The following CCNY variants were observed in gnomAD, a reference collection of about 807,000 sequenced individuals.
CCNY encodes the protein cyclin-Y.
In CCNY, 19 loss-of-function variants were observed where a neutral mutation model predicts 42.8. The ratio of observed to expected loss-of-function variants is 0.44; its 90% confidence interval spans 0.31 to 0.65. The LOEUF is 0.65. CCNY is among the 30% of genes least tolerant of loss of function. The probability of loss-of-function intolerance (pLI) is 0.07; values close to 1 mark genes in which losing one functional copy is unlikely to be tolerated. For synonymous variants in CCNY, 165 were observed against 162.7 expected (o/e 1.01, Z -0.11); for missense variants, 370 against 437.3 (o/e 0.85, Z 1.37).
intron 1 of CCNY, among the ~76,000 whole-genome samples, chr10:35,396,015 C>T (rs1837517109): frequency 6.6e-6 from 1 of 152,004 alleles, no homozygotes; most frequent in South Asian, 2.1e-4. Flanking sequence ...CTGTGTTATG[C>T]TGTGGTGGCT....
intron 1 of CCNY, among the ~76,000 whole-genome samples, chr10:35,362,579 T>A (rs112327715): frequency 0.011 from 1,553 of 138,032 alleles, 24 homozygotes; most frequent in African/African-American, 0.042. Flanking sequence ...AGGGTACCAG[T>A]TTTTTTTTTT....
intron 3 of CCNY, among the ~76,000 whole-genome samples, chr10:35,254,480 T>C (rs1431308101): frequency 6.6e-6 from 1 of 152,214 alleles, no homozygotes; most frequent in Non-Finnish European, 1.5e-5. Flanking sequence ...CTGGTAATGC[T>C]GACCTATTAC....
At chr10:35,556,998 T>C (rs1201949071) in intron 8 of CCNY, among the ~76,000 whole-genome samples, 1 of 152,048 alleles carries the variant, frequency 6.6e-6, no homozygotes, top group African/African-American at 2.4e-5. Flanking sequence ...GCGCCCGCCA[T>C]TAGTCCTGAC....
intron 1 of CCNY, among the ~76,000 whole-genome samples, chr10:35,479,994 CTT>C (rs79345630): frequency 2.7e-5 from 4 of 146,120 alleles, no homozygotes; most frequent in Admixed American, 6.8e-5. Context: ...GGCTTTTCCC[CTT>C]TTTTTTTTTG....
At chr10:35,286,402 A>G (rs1835354906) in intron 3 of CCNY, among the ~76,000 whole-genome samples, 1 of 149,464 alleles carries the variant, frequency 6.7e-6, no homozygotes, top group South Asian at 2.1e-4. Context: ...TCTGTCGCCC[A>G]GGCTGGAGTC....
At position 35,253,882 on chromosome 10, in the gene CCNY, T is replaced by G. The variant is rs928434741; in HGVS notation, c.-9+3256T>G. 4.3e-4 allele frequency among the ~76,000 whole-genome samples: 65 copies of G among 150,848 alleles called. 2 individuals are homozygous for G. The highest frequency in any genetic ancestry group is 3.0e-5 in the Non-Finnish European group (2 of 67,524). On this transcript the variant is annotated intron_variant, in intron 3 of 11. Coordinates refer to the CCNY transcript ENST00000374706. ...CAACTGTTTGAGCAACTGTTTTTTT[T>G]TTTTTTTTTTTGAGACGGAGTCTCA...
intron 3 of CCNY, among the ~76,000 whole-genome samples, chr10:35,284,800 T>C (rs1437324544): frequency 6.6e-6 from 1 of 152,130 alleles, no homozygotes; most frequent in African/African-American, 2.4e-5. Flanking sequence ...CCACAAATTT[T>C]GATATGTTCT....
chr10:35,277,390 C>T (rs866197635), intron 3 of CCNY, among the ~76,000 whole-genome samples: 2 of 152,198 alleles, frequency 1.3e-5, no homozygotes, highest in South Asian at 2.1e-4. Context: ...CTCAGGGTCA[C>T]ACTCCTTTCC....
intron 3 of CCNY, among the ~76,000 whole-genome samples, chr10:35,285,128 G>C (rs1487897013): frequency 2.6e-5 from 4 of 152,050 alleles, no homozygotes; most frequent in Non-Finnish European, 5.9e-5. Context: ...CAATACTCCT[G>C]CCTCAGCCTT....
At chr10:35,506,523 A>T (rs1840218029) in intron 3 of CCNY, among the ~76,000 whole-genome samples, 1 of 151,948 alleles carries the variant, frequency 6.6e-6, no homozygotes, top group Non-Finnish European at 1.5e-5. Context: ...TCTGTGGAGG[A>T]CTTTCTCTTT....
chr10:35,365,109 C>T (rs1275247711), intron 1 of CCNY, among the ~76,000 whole-genome samples: 2 of 152,190 alleles, frequency 1.3e-5, no homozygotes, highest in Non-Finnish European at 2.9e-5. Flanking sequence ...ACTTAACAGC[C>T]AGTCCTGTCT....
chr10:35,386,282 A>G (rs1466218701), intron 1 of CCNY, among the ~76,000 whole-genome samples: 1 of 152,186 alleles, frequency 6.6e-6, no homozygotes, highest in African/African-American at 2.4e-5. Context: ...CCTTTGTGCT[A>G]GAGAAAAGGC....
intron 1 of CCNY, among the ~76,000 whole-genome samples, chr10:35,357,344 C>G (rs1479701184): frequency 6.6e-6 from 1 of 152,192 alleles, no homozygotes; most frequent in African/African-American, 2.4e-5. Context: ...ACATGTCTTG[C>G]CCACTACGAT....
At chr10:35,349,120 G>A (rs1162397379) in intron 1 of CCNY, among the ~76,000 whole-genome samples, 1 of 152,128 alleles carries the variant, frequency 6.6e-6, no homozygotes, top group African/African-American at 2.4e-5. Flanking sequence ...TGGGACTTGA[G>A]CGTGCTTGGG....
intron 1 of CCNY, among the ~76,000 whole-genome samples, chr10:35,365,334 A>G (rs1836786701): frequency 6.6e-6 from 1 of 152,204 alleles, no homozygotes; most frequent in African/African-American, 2.4e-5. Context: ...TTGTGTCTTT[A>G]AAAAAGTGGT....
intron 1 of CCNY, among the ~76,000 whole-genome samples, chr10:35,479,766 A>AT (rs1019116298): frequency 2.0e-5 from 3 of 150,320 alleles, no homozygotes; most frequent in Admixed American, 6.7e-5. Context: ...AATAATAATA[A>AT]AAAAAAAAGA....
Position 35,380,729 on chromosome 10 carries a change from G to A in CCNY, c.154+43522G>A, listed in dbSNP as rs190363551. Among the ~76,000 whole-genome samples the A allele has an allele frequency of 2.9e-3, 448 of 152,238 alleles. 4 individuals are homozygous for A. Among genetic ancestry groups the A allele is most frequent in the African/African-American group, 0.01 (424 of 41,524 alleles). Reference sequence around the variant, plus strand: ...CAGGCCCAGAGAGATTAAGAACCTTGCCTGGGGTCTCCCAGTCCGCAGCCA... The same window carrying A: ...CAGGCCCAGAGAGATTAAGAACCTTACCTGGGGTCTCCCAGTCCGCAGCCA... On this transcript the variant is annotated intron_variant, in intron 1 of 9. Transcript: ENST00000374704.
chr10:35,330,296 A>G (rs1835927120), intron 3 of CCNY, among the ~76,000 whole-genome samples: 1 of 152,166 alleles, frequency 6.6e-6, no homozygotes, highest in Admixed American at 6.5e-5. Context: ...TGACAATCCT[A>G]ATTTTCATGG....
At chr10:35,515,183 C>G (rs1393238864) in intron 3 of CCNY, among the ~76,000 whole-genome samples, 1 of 152,164 alleles carries the variant, frequency 6.6e-6, no homozygotes, top group Non-Finnish European at 1.5e-5. Flanking sequence ...GGAAAGAACC[C>G]TGGGGAGAGG....
Sources: gnomAD v4.1 joint callset for allele counts (sites outside exome capture counted in the v4.1 genomes callset) on GRCh38, gnomAD v4.1.1 for gene constraint, MANE v1.5 for transcripts, NCBI Gene and HGNC (gene_info 2026-07-23, HGNC 2026-07-21) for gene names.